Variants in PLCH1 observed in about 807,000 individuals in gnomAD.
The protein encoded by PLCH1 is 1-phosphatidylinositol 4,5-bisphosphate phosphodiesterase eta-1.
Under a neutral mutation model 126.7 loss-of-function variants are expected in PLCH1, and 60 were observed. The ratio of observed to expected loss-of-function variants is 0.47; its 90% CI spans 0.38 to 0.59. PLCH1 has a LOEUF of 0.59. Among genes scored for constraint, PLCH1 ranks in the 20% least tolerant of loss-of-function variants. PLCH1 has a pLI of 0.00. For synonymous variants in PLCH1, 719 were observed against 734.9 expected, an observed-to-expected ratio of 0.98 and a Z score of 0.35; for missense variants, 1,723 against 2,040.0, an observed-to-expected ratio of 0.84 and a Z score of 2.99.
At chr3:155,657,458 A>G (rs948728115) in intron 2 of PLCH1, among the ~76,000 whole-genome samples, 1 of 152,176 alleles carries the variant, frequency 6.6e-6, no homozygotes, top group African/African-American at 2.4e-5. Flanking sequence ...AGAGCTCCGG[A>G]GATAGATGCG....
intron 10 of PLCH1, among the ~76,000 whole-genome samples, chr3:155,545,374 T>G (rs1428482032): frequency 5.5e-5 from 8 of 144,532 alleles, no homozygotes; most frequent in Admixed American, 2.8e-4. Flanking sequence ...AATAACAGGC[T>G]CTGAAATTGT....
rs149819290 is a variant in PLCH1, at chr3:155,594,442, G to A, written c.227-258C>T. Among the ~76,000 whole-genome samples, 768 of 152,048 alleles carry A rather than the reference G, an allele frequency of 5.1e-3. 8 individuals are homozygous for A. The highest frequency in any genetic ancestry group is 0.017 in the African/African-American group (726 of 41,492). ...AAAAAAATTGGCCGGGCACGGTGGC[G>A]GGTGCCTGTAGTCCTAGCTACTCAG... On this transcript the variant is annotated intron_variant, in intron 3 of 22. Transcript: ENST00000460012.
At chr3:155,668,957 G>A (rs2108973722) in intron 2 of PLCH1, among the ~76,000 whole-genome samples, 1 of 152,280 alleles carries the variant, frequency 6.6e-6, no homozygotes, top group East Asian at 1.9e-4. Context: ...TTCATCCATT[G>A]TATTCTTCCT....
At chr3:155,462,189 G>T (rs1712752332) in intron 21 of PLCH1, among the ~76,000 whole-genome samples, 1 of 152,154 alleles carries the variant, frequency 6.6e-6, no homozygotes, top group African/African-American at 2.4e-5. Context: ...ATGAGAGGTT[G>T]GGGTTGTTGC....
intron 2 of PLCH1, among the ~76,000 whole-genome samples, chr3:155,676,840 T>TAA (rs10673783): frequency 0.047 from 7,067 of 150,396 alleles, 428 homozygotes; most frequent in African/African-American, 0.14. Flanking sequence ...TTCTCATGTT[T>TAA]AAAAAAAAAA....
intron 2 of PLCH1, among the ~76,000 whole-genome samples, chr3:155,691,385 G>A (rs1466108368): frequency 6.6e-6 from 1 of 152,174 alleles, no homozygotes; most frequent in Non-Finnish European, 1.5e-5. Context: ...TCTAAACTCA[G>A]TTATAGCAAC....
chr3:155,656,701 T>C (rs943886202), intron 2 of PLCH1, among the ~76,000 whole-genome samples: 11 of 151,992 alleles, frequency 7.2e-5, no homozygotes, highest in Admixed American at 2.6e-4. Context: ...AGCATCTTAA[T>C]AGAAAAACAC....
intron 13 of PLCH1, among the ~76,000 whole-genome samples, chr3:155,501,694 T>A (rs1576841192): frequency 6.6e-6 from 1 of 151,280 alleles, no homozygotes; most frequent in Non-Finnish European, 1.5e-5. Flanking sequence ...ACTTGGGAGG[T>A]GGAGGCAGAA....
At chr3:155,613,120 C>T (rs1441930389) in intron 2 of PLCH1, among the ~76,000 whole-genome samples, 3 of 151,850 alleles carry the variant, frequency 2.0e-5, no homozygotes, top group Admixed American at 6.6e-5. Flanking sequence ...AAACTCTGAA[C>T]AGACCAATAA....
chr3:155,490,611 C>T (rs549833290), intron 19 of PLCH1, 173 bp downstream of exon 19: 46 of 477,104 alleles, frequency 9.6e-5, no homozygotes, highest in East Asian at 8.5e-4. Flanking sequence ...AAATAAGCCA[C>T]GCATCAATTC....
At chr3:155,553,106 G>GATTTTT (rs956332611) in intron 9 of PLCH1, among the ~76,000 whole-genome samples, 1 of 152,008 alleles carries the variant, frequency 6.6e-6, no homozygotes, top group African/African-American at 2.4e-5. Context: ...ATTCACTGAG[G>GATTTTT]ATTTTTATTT....
At chr3:155,558,352 C>A (rs1727098572) in intron 8 of PLCH1, among the ~76,000 whole-genome samples, 1 of 152,162 alleles carries the variant, frequency 6.6e-6, no homozygotes, top group Admixed American at 6.6e-5. Flanking sequence ...AATAAAAATA[C>A]CTTCATCTGG....
chr3:155,464,057 A>T (rs1164056982), intron 21 of PLCH1, among the ~76,000 whole-genome samples: 2 of 152,196 alleles, frequency 1.3e-5, no homozygotes, highest in Non-Finnish European at 2.9e-5. Context: ...ATGTGAAGAG[A>T]TCCCTACAAT....
At position 155,652,406 on chromosome 3, in the gene PLCH1, T is replaced by C. The variant is rs1045635534; in HGVS notation, c.79+51740A>G. 3.3e-5 allele frequency among the ~76,000 whole-genome samples: 5 copies of C among 152,212 alleles called. No individual in the cohort carries two copies. The East Asian group carries it at 9.6e-4, about 29-fold the overall frequency. On this transcript the variant is annotated intron_variant, in intron 2 of 22. Coordinates refer to ENST00000460012, the MANE Select transcript of PLCH1 (RefSeq NM_014996.4). The stretch of plus-strand genomic sequence containing the variant: ...CTAGAGTCAGTAGGACAAATCTGAC[T>C]CAATCTGACATCCAGTCACAATAGG...
intron 10 of PLCH1, among the ~76,000 whole-genome samples, chr3:155,533,882 T>A (rs1723005566): frequency 6.6e-6 from 1 of 152,208 alleles, no homozygotes; most frequent in Non-Finnish European, 1.5e-5. Flanking sequence ...CTTGGAAGTT[T>A]CCACATGGTG....
chr3:155,576,135 A>C (rs1462121646), intron 6 of PLCH1, among the ~76,000 whole-genome samples: 1 of 152,196 alleles, frequency 6.6e-6, no homozygotes, highest in Non-Finnish European at 1.5e-5. Context: ...AACAAAAAAA[A>C]CACTCAGCTC....
Position 155,509,105 on chromosome 3 carries a change from G to T in PLCH1, c.1633-4479C>A, listed in dbSNP as rs1162130419. Among the ~76,000 whole-genome samples, 172 of 140,458 alleles carry T rather than the reference G, an allele frequency of 1.2e-3. 28 individuals are homozygous for T. The highest frequency in any genetic ancestry group is 4.6e-3 in the African/African-American group (157 of 34,116). 92.1% of individuals were successfully genotyped at this position (140,458 alleles called of 152,430 possible). A position where few individuals can be genotyped will look rare whatever the true frequency, so the allele number is the denominator to read the frequency against. On this transcript the variant is annotated intron_variant, in intron 12 of 22. Transcript: ENST00000460012. The stretch of plus-strand genomic sequence containing the variant: ...TGGGAGAGTGTATGTGTCGAGGAAT[G>T]TATCCATTTCTTCTAGATTTTCTAG...
At chr3:155,654,271 T>C (rs1321217955) in intron 2 of PLCH1, among the ~76,000 whole-genome samples, 1 of 152,004 alleles carries the variant, frequency 6.6e-6, no homozygotes, top group East Asian at 1.9e-4. Context: ...TTTCCTGAGA[T>C]AAATCTGGAG....
At chr3:155,671,995 C>A (rs538336498) in intron 2 of PLCH1, among the ~76,000 whole-genome samples, 2 of 152,006 alleles carry the variant, frequency 1.3e-5, no homozygotes, top group South Asian at 4.2e-4. Context: ...ATTAACAAGG[C>A]GTAACAAAAA....
Sources: gnomAD v4.1 joint callset for allele counts (sites outside exome capture counted in the v4.1 genomes callset) on GRCh38, gnomAD v4.1.1 for gene constraint, MANE v1.5 for transcripts, NCBI Gene and HGNC (gene_info 2026-07-23, HGNC 2026-07-21) for gene names.